Variants in RASA4 observed in about 807,000 individuals in gnomAD.
RASA4 encodes RAS p21 protein activator 4, also known as ras GTPase-activating protein 4.
A neutral mutation model predicts 24.0 loss-of-function variants in RASA4; 5 were observed. The observed-to-expected ratio is 0.21, with a 90% CI of 0.11 to 0.44. RASA4 has a LOEUF of 0.44. Among genes scored for constraint, RASA4 ranks in the 20% least tolerant of loss-of-function variants. The pLI is 0.99. For synonymous variants in RASA4, 9 were observed against 132.7 expected, an observed-to-expected ratio of 0.07 and a Z score of 6.41; for missense variants, 38 against 293.0, an observed-to-expected ratio of 0.13 and a Z score of 6.35.
rs1168510169 is a variant in RASA4, at chr7:102,581,025, A to AT, written c.*1745dup. ...TTCCTGGTAGCTTAAAAAAATAGAG[A>AT]TAACAGGATAAAGGTGAGGAATGAA... On this transcript the variant is annotated 3_prime_UTR_variant, in exon 21 of 21. Transcript: ENST00000262940. 7.8e-5 allele frequency: 11 copies of AT among 140,388 alleles called. No homozygotes were observed. Among genetic ancestry groups the AT allele is most frequent in the African/African-American group, 2.8e-4 (11 of 39,296 alleles). The allele number at this position is 140,388 out of a possible 1,614,324, so 8.7% of individuals were successfully genotyped here.
chr7:102,597,429 ATTT>A (rs1386224379), intron 8 of RASA4, among the ~76,000 whole-genome samples: 1 of 5,740 alleles, frequency 1.7e-4, no homozygotes, highest in African/African-American at 2.3e-4. Flanking sequence ...TTCTTTATTT[ATTT>A]TTTTTTTTGC....
chr7:102,610,795 A>G (rs1377539936), intron 2 of RASA4, among the ~76,000 whole-genome samples: 1 of 134,320 alleles, frequency 7.4e-6, no homozygotes, highest in African/African-American at 2.6e-5. Flanking sequence ...TCCACAAATG[A>G]GAGTTGTTGT....
intron 8 of RASA4, among the ~76,000 whole-genome samples, chr7:102,599,418 A>G (rs1209988096): frequency 1.3e-5 from 1 of 76,644 alleles, no homozygotes. Context: ...CGGGTGGATC[A>G]CAAGGTCAGG....
intron 16 of RASA4, among the ~76,000 whole-genome samples, chr7:102,591,816 G>A (rs1283545709): frequency 4.1e-5 from 6 of 147,480 alleles, no homozygotes; most frequent in Non-Finnish European, 9.0e-5. Context: ...TGGTAAGGTC[G>A]GATCAACTTC....
Position 102,605,948 on chromosome 7 carries a change from T to C in RASA4, c.338A>G (p.Asp113Gly). The change falls in exon 5 of 21, where the codon GAT becomes GGT. Residue 113 changes from aspartate (D) to glycine (G), a missense_variant. Physicochemically the swap from Asp to Gly is moderately conservative, Grantham distance 94. Transcript: ENST00000262940. ...GWAHLTEVDPDEEVQGEIHLR... is the reference protein window; with the variant it reads ...GWAHLTEVDPGEEVQGEIHLR... ...GTGGATCTCGCCCTGCACCTCCTCA[T>C]CGGGGTCGACCTCCGTCAGGTGGGC... The C allele has an allele frequency of 1.9e-6, 3 of 1,604,496 alleles. No homozygotes were observed. The highest frequency in any genetic ancestry group is 2.6e-6 in the Non-Finnish European group (3 of 1,176,126).
intron 1 of RASA4, chr7:102,612,077 C>G (rs1790872439): frequency 6.5e-6 from 1 of 153,558 alleles, no homozygotes; most frequent in African/African-American, 2.4e-5. Flanking sequence ...CTTACTCTCC[C>G]TGGAGCCTTT....
At chr7:102,603,675 A>C (rs1257182841) in intron 5 of RASA4, among the ~76,000 whole-genome samples, 1 of 152,274 alleles carries the variant, frequency 6.6e-6, no homozygotes, top group Admixed American at 6.5e-5. Flanking sequence ...TGTCTAATAA[A>C]ACCCCAACAT....
At chr7:102,597,342 G>A (rs1790253588) in intron 8 of RASA4, among the ~76,000 whole-genome samples, 1 of 17,984 alleles carries the variant, frequency 5.6e-5, no homozygotes, top group African/African-American at 1.0e-4. Context: ...GAGATTACAG[G>A]CATGCGCCAC....
intron 5 of RASA4, among the ~76,000 whole-genome samples, chr7:102,602,633 G>A (rs1179430086): frequency 1.2e-5 from 1 of 83,076 alleles, no homozygotes; most frequent in South Asian, 4.4e-4. Flanking sequence ...GAGGCCATGG[G>A]TCCTTCCCAC....
rs1297665068 is a variant in RASA4, at chr7:102,590,528, G to C, written c.1831-232C>G. Among the ~76,000 whole-genome samples the C allele has an allele frequency of 3.2e-3, 263 of 81,968 alleles. 1 individual carries two copies. Among genetic ancestry groups the C allele is most frequent in the Non-Finnish European group, 5.0e-3 (218 of 43,670 alleles). The allele number at this position is 81,968 out of a possible 152,430, so 53.8% of individuals were successfully genotyped here. A position where few individuals can be genotyped will look rare whatever the true frequency, so the allele number is the denominator to read the frequency against. On this transcript the variant is annotated intron_variant, in intron 16 of 20. Coordinates refer to ENST00000262940, the MANE Select transcript of RASA4 (RefSeq NM_006989.6). The stretch of plus-strand genomic sequence containing the variant: ...AGAAGGCCTCGGAGGTGTGAGCTTT[G>C]GGGTAGTGTCGGGACAGCCAGCATT...
chr7:102,604,119 G>A (rs1270471265), intron 5 of RASA4, among the ~76,000 whole-genome samples: 8 of 144,554 alleles, frequency 5.5e-5, no homozygotes, highest in Admixed American at 2.8e-4. Context: ...AGCTGAGATC[G>A]GGCCACTGCA....
intron 18 of RASA4, among the ~76,000 whole-genome samples, chr7:102,585,859 T>TG (rs1789758706): frequency 6.7e-6 from 1 of 148,470 alleles, no homozygotes; most frequent in Non-Finnish European, 1.5e-5. Context: ...GTTTTTTTGT[T>TG]TTTTTTTTTT....
rs1245346205 is a variant in RASA4 at position 102,580,389 on chromosome 7, C to CCTTTTTTTT, written c.*2381_*2382insAAAAAAAAG. The CCTTTTTTTT allele has an allele frequency of 3.5e-5, 2 of 56,740 alleles. No homozygotes were observed. Among genetic ancestry groups the CCTTTTTTTT allele is most frequent in the Non-Finnish European group, 4.1e-5 (1 of 24,274 alleles). 3.5% of individuals were successfully genotyped at this position (56,740 alleles called of 1,614,324 possible). The stretch of plus-strand genomic sequence containing the variant: ...AAAATTTCAAGTCTCCTTTATTTTC[C>CCTTTTTTTT]TTTTTTTTTTTTTTTTTTTTTTAAT... On this transcript the variant is annotated 3_prime_UTR_variant, in exon 21 of 21. Coordinates refer to ENST00000262940, the MANE Select transcript of RASA4 (RefSeq NM_006989.6).
chr7:102,595,448 G>A, intron 10 of RASA4, 79 bp from the exon 11 acceptor site: 1 of 1,023,422 alleles, frequency 9.8e-7, no homozygotes, highest in Non-Finnish European at 1.4e-6. Flanking sequence ...CCTTGGGGCT[G>A]GGGGATCTAA....
At chr7:102,595,839 ATCCC>A in intron 9 of RASA4, 55 bp from the exon 10 acceptor site, 1 of 1,522,494 alleles carries the variant, frequency 6.6e-7, no homozygotes, top group Non-Finnish European at 8.8e-7. Context: ...ACCTCAGAGC[ATCCC>A]AGGGAAAGAG....
intron 2 of RASA4, among the ~76,000 whole-genome samples, chr7:102,610,719 AAATGGGGTCT>A (rs1227245484): frequency 6.6e-6 from 1 of 151,056 alleles, no homozygotes; most frequent in Non-Finnish European, 1.5e-5. Flanking sequence ...CCTTGTCTGT[AAATGGGGTCT>A]AATGATATCG....
chr7:102,610,843 ATGAT>A (rs1481866409), intron 2 of RASA4, among the ~76,000 whole-genome samples: 1 of 137,080 alleles, frequency 7.3e-6, no homozygotes, highest in East Asian at 2.3e-4. Flanking sequence ...GGAGGTTGTG[ATGAT>A]TGCAAAGATG....
intron 5 of RASA4, among the ~76,000 whole-genome samples, chr7:102,602,943 G>A (rs1455230582): frequency 1.3e-4 from 19 of 150,858 alleles, no homozygotes; most frequent in Non-Finnish European, 2.2e-4. Context: ...CACAGCCCTA[G>A]TCTAGTCACG....
chr7:102,590,943 A>G (rs1160479323), intron 16 of RASA4, among the ~76,000 whole-genome samples: 2 of 147,952 alleles, frequency 1.4e-5, no homozygotes, highest in South Asian at 4.2e-4. Context: ...TCCATCTCAA[A>G]AAAAAAAAAA....
Sources: allele counts gnomAD v4.1 joint callset (sites outside exome capture counted in the v4.1 genomes callset), GRCh38; gene constraint gnomAD v4.1.1; transcripts MANE v1.5; gene names NCBI Gene and HGNC (gene_info 2026-07-23, HGNC 2026-07-21).